DRC7: variants seen among roughly 807,000 people sequenced by gnomAD.
DRC7 encodes the protein dynein regulatory complex subunit 7.
Under a neutral mutation model 104.4 loss-of-function variants are expected in DRC7, and 80 were observed. The observed-to-expected ratio is 0.77, with a 90% confidence interval of 0.64 to 0.92. The LOEUF (loss-of-function observed/expected upper bound fraction) is 0.92. Among genes scored for constraint, DRC7 ranks in the 40% least tolerant of loss-of-function variants. The pLI is 0.00. For synonymous variants in DRC7, 405 were observed against 447.3 expected, an observed-to-expected ratio of 0.91 and a Z score of 1.19; for missense variants, 1,034 against 1,141.1, an observed-to-expected ratio of 0.91 and a Z score of 1.35.
Position 57,704,793 on chromosome 16 carries a change from C to CT in DRC7, c.700-82dup. 12 of 1,516,136 alleles carry CT rather than the reference C, an allele frequency of 7.9e-6. No homozygotes were observed. In the South Asian group the frequency reaches 1.1e-4, roughly 14 times the overall value. The allele number at this position is 1,516,136 out of a possible 1,614,324, so 93.9% of individuals were successfully genotyped here. ...GCCATCCCCCGGTCTGAGGGACTGGCTGGGCGGGTCTCACCTCTTGGAGTT... is the reference window on the plus strand; with the variant it reads ...GCCATCCCCCGGTCTGAGGGACTGGCTTGGGCGGGTCTCACCTCTTGGAGTT... On this transcript the variant is annotated intron_variant, in intron 6 of 18. Coordinates refer to ENST00000360716, the MANE Select transcript of DRC7 (RefSeq NM_001289162.2).
intron 15 of DRC7, 96 bp from the exon 16 acceptor site, chr16:57,727,203 T>TC: frequency 3.1e-6 from 3 of 971,742 alleles, no homozygotes; most frequent in Non-Finnish European, 4.9e-6. Flanking sequence ...ACTCCTGAAT[T>TC]CATGCAATCT....
chr16:57,700,635 A>C (rs1200428732), intron 5 of DRC7, among the ~76,000 whole-genome samples: 1 of 147,968 alleles, frequency 6.8e-6, no homozygotes, highest in East Asian at 2.0e-4. Context: ...TGATAAGAGC[A>C]AAACTCTCAA....
At chr16:57,718,524 G>A in intron 9 of DRC7, 49 bp downstream of exon 9, 1 of 1,604,198 alleles carries the variant, frequency 6.2e-7, no homozygotes. Flanking sequence ...GAAGGCTTCA[G>A]GGAGCCTGAC....
At chr16:57,705,836 A>G (rs1176225270) in intron 7 of DRC7, among the ~76,000 whole-genome samples, 3 of 105,930 alleles carry the variant, frequency 2.8e-5, no homozygotes, top group African/African-American at 1.2e-4. Context: ...CCATCCATCC[A>G]TCCTCCCATC....
rs558078915 is a variant in DRC7 at position 57,705,080 on chromosome 16, G to T, written c.858+46G>T. 3 of 1,584,534 alleles carry T rather than the reference G, an allele frequency of 1.9e-6. No homozygotes were observed. In the South Asian group the frequency reaches 3.4e-5, roughly 18 times the overall value. Reference sequence around the variant, plus strand: ...CCCCTGGGCTCAGCTATCGAGAAAGGACTGCTAGGGATGGGAAAAGAGGCA... The same window carrying T: ...CCCCTGGGCTCAGCTATCGAGAAAGTACTGCTAGGGATGGGAAAAGAGGCA... On this transcript the variant is annotated intron_variant, in intron 7 of 18. Transcript: ENST00000360716.
intron 4 of DRC7, 83 bp downstream of exon 4, chr16:57,699,107 A>G: frequency 6.6e-7 from 1 of 1,508,572 alleles, no homozygotes; most frequent in South Asian, 1.2e-5. Flanking sequence ...AGGTTCTCCA[A>G]GGTCACTGGG....
chr16:57,699,622 T>A (rs1328344091), intron 4 of DRC7, among the ~76,000 whole-genome samples: 1 of 152,140 alleles, frequency 6.6e-6, no homozygotes, highest in Admixed American at 6.5e-5. Context: ...CAGGCTGACC[T>A]CTGAGGCTTC....
chr16:57,726,380 G>A (rs1003510802), intron 14 of DRC7, 97 bp downstream of exon 14: 5 of 999,670 alleles, frequency 5.0e-6, no homozygotes, highest in Non-Finnish European at 7.6e-6. Flanking sequence ...GATGGGCGCT[G>A]GTGAATCCCG....
At chr16:57,728,658 G>T in intron 17 of DRC7, 74 bp downstream of exon 17, 1 of 1,267,306 alleles carries the variant, frequency 7.9e-7, no homozygotes, top group Non-Finnish European at 1.1e-6. Context: ...ACGGCTGTCC[G>T]CCCACTACCT....
At chr16:57,696,073 T>A (rs992349061) in intron 1 of DRC7, among the ~76,000 whole-genome samples, 2 of 152,210 alleles carry the variant, frequency 1.3e-5, no homozygotes, top group Non-Finnish European at 2.9e-5. Flanking sequence ...TGGGTTTCGT[T>A]TGTTTTCCTC....
intron 8 of DRC7, among the ~76,000 whole-genome samples, chr16:57,712,770 C>T (rs975920688): frequency 2.6e-5 from 4 of 152,008 alleles, no homozygotes; most frequent in African/African-American, 9.7e-5. Context: ...TGGGTTCAAG[C>T]GATTCTCCTG....
Position 57,699,014 on chromosome 16 carries a change from G to A in DRC7, c.368G>A (p.Cys123Tyr), listed in dbSNP as rs1211971321. Residue 123 changes from cysteine to tyrosine, a missense_variant, in exon 4 of 19, where the codon TGT (cysteine) becomes TAT (tyrosine). Coordinates refer to ENST00000360716, the MANE Select transcript of DRC7 (RefSeq NM_001289162.2). ...VPLFLHPLNE[C>Y]EVPKFVSTTL... ...CTCTTCCTGCACCCCCTGAACGAGT[G>A]TGAAGTGCCCGTAAGGCTGGCATGT... 7 of 1,613,898 alleles carry A rather than the reference G, an allele frequency of 4.3e-6. No individual in the cohort carries two copies. Among genetic ancestry groups the A allele is most frequent in the Non-Finnish European group, 5.9e-6 (7 of 1,179,972 alleles).
At chr16:57,727,883 G>C (rs1160167818) in intron 16 of DRC7, among the ~76,000 whole-genome samples, 1 of 152,230 alleles carries the variant, frequency 6.6e-6, no homozygotes, top group African/African-American at 2.4e-5. Flanking sequence ...TGGGGGTCGT[G>C]AGGCAGGATG....
rs760016283 is a variant in DRC7, at chr16:57,705,026, C to T, written c.850C>T (p.Arg284Cys). The T allele has an allele frequency of 1.9e-5, 31 of 1,611,682 alleles. No homozygotes were observed. The highest frequency in any genetic ancestry group is 2.0e-4 in the Middle Eastern group (1 of 4,940). ...EKKRLREEEERLMEAEKAKPD... is the reference protein window; with the variant it reads ...EKKRLREEEECLMEAEKAKPD... ...GAAGCGGCTGAGGGAGGAGGAGGAG[C>T]GCCTCATGGTGGGTCCTCAGCCCTG... The change falls in exon 7 of 19, where the codon CGC (arginine) becomes TGC (cysteine). Residue 284 changes from arginine (R) to cysteine (C), a missense_variant. Coordinates refer to ENST00000360716, the MANE Select transcript of DRC7 (RefSeq NM_001289162.2).
At chr16:57,728,050 C>T (rs530866377) in intron 16 of DRC7, among the ~76,000 whole-genome samples, 2 of 152,372 alleles carry the variant, frequency 1.3e-5, no homozygotes, top group East Asian at 1.9e-4. Flanking sequence ...TCGTTAATAA[C>T]CACTACCGTT....
chr16:57,712,674 GT>G (rs571483369), intron 8 of DRC7, among the ~76,000 whole-genome samples: 13 of 147,206 alleles, frequency 8.8e-5, no homozygotes, highest in Non-Finnish European at 1.5e-4. Context: ...TTTTTGTTTT[GT>G]TTTTTTTTTG....
intron 6 of DRC7, among the ~76,000 whole-genome samples, chr16:57,702,453 C>T (rs190404006): frequency 7.7e-4 from 117 of 152,234 alleles, no homozygotes; most frequent in African/African-American, 2.6e-3. Context: ...TTAAGTCAAA[C>T]GATTCCAAAT....
intron 10 of DRC7, 87 bp from the exon 11 acceptor site, chr16:57,722,626 G>T: frequency 3.2e-6 from 5 of 1,556,992 alleles, no homozygotes; most frequent in Non-Finnish European, 4.4e-6. Flanking sequence ...ACAGAGAACG[G>T]GCAGTGGATG....
chr16:57,728,094 A>G (rs2048992922), intron 16 of DRC7, among the ~76,000 whole-genome samples: 1 of 152,286 alleles, frequency 6.6e-6, no homozygotes, highest in Admixed American at 6.5e-5. Context: ...ATTGTCAGGC[A>G]TCAGGCTGCG....
Sources: gnomAD v4.1 joint callset for allele counts (sites outside exome capture counted in the v4.1 genomes callset) on GRCh38, gnomAD v4.1.1 for gene constraint, MANE v1.5 for transcripts, NCBI Gene and HGNC (gene_info 2026-07-23, HGNC 2026-07-21) for gene names.